Variants in ADCY3 observed in about 807,000 individuals in gnomAD.
ADCY3 encodes adenylate cyclase 3.
A neutral mutation model predicts 119.4 loss-of-function variants in ADCY3; 70 were observed. That is an observed-to-expected ratio of 0.59 (90% confidence interval 0.48 to 0.72). ADCY3 has a LOEUF of 0.72. ADCY3 is among the 30% of genes least tolerant of loss of function. The pLI, the probability that ADCY3 is intolerant of heterozygous loss-of-function variation, is 0.00. For synonymous variants in ADCY3, 672 were observed against 621.4 expected (o/e 1.08, Z -1.21); for missense variants, 1,238 against 1,541.6 (o/e 0.80, Z 3.30).
chr2:24,824,846 C>A (rs562906573), intron 16 of ADCY3, among the ~76,000 whole-genome samples: 20 of 152,248 alleles, frequency 1.3e-4, no homozygotes, highest in African/African-American at 4.8e-4. Flanking sequence ...GCCGAGATCG[C>A]ACCACTGCAC....
rs1425242386 is a variant in ADCY3 at position 24,829,501 on chromosome 2, A to G, written c.2172+1208T>C. On this transcript the variant is annotated intron_variant, in intron 13 of 21. Transcript: ENST00000679454. Reference sequence around the variant, plus strand: ...CAGTGCACAATCTCGGCTCACTGCAAGCTCCACCTCCCGGGTTCACGCCAT... The same window carrying G: ...CAGTGCACAATCTCGGCTCACTGCAGGCTCCACCTCCCGGGTTCACGCCAT... Among the ~76,000 whole-genome samples, 8 of 139,138 alleles carry G rather than the reference A, an allele frequency of 5.7e-5. No homozygotes were observed. In the East Asian group the frequency reaches 1.5e-3, roughly 26 times the overall value. 91.3% of individuals were successfully genotyped at this position (139,138 alleles called of 152,430 possible).
At chr2:24,907,139 G>A (rs1662955118) in intron 2 of ADCY3, among the ~76,000 whole-genome samples, 1 of 152,020 alleles carries the variant, frequency 6.6e-6, no homozygotes, top group Non-Finnish European at 1.5e-5. Context: ...AAATAAAAAT[G>A]AAAGGAATCA....
intron 2 of ADCY3, among the ~76,000 whole-genome samples, chr2:24,906,615 G>T (rs1207521925): frequency 6.6e-6 from 1 of 152,246 alleles, no homozygotes; most frequent in Non-Finnish European, 1.5e-5. Context: ...GCCCCACGTG[G>T]GAGGATGAAC....
Position 24,875,076 on chromosome 2 carries a change from C to T in ADCY3, c.676-2357G>A, listed in dbSNP as rs76379434. On this transcript the variant is annotated intron_variant, in intron 2 of 21. Transcript: ENST00000679454. ...TTGCACAAGCTCAGTGCTGTTCACTCGATAGAGCCTGTCCCATCTGTCCCT... is the reference window on the plus strand; with the variant it reads ...TTGCACAAGCTCAGTGCTGTTCACTTGATAGAGCCTGTCCCATCTGTCCCT... Among the ~76,000 whole-genome samples the T allele has an allele frequency of 5.7e-3, 869 of 152,256 alleles. 5 individuals carry two copies. Among genetic ancestry groups the T allele is most frequent in the Non-Finnish European group, 9.6e-3 (655 of 68,012 alleles).
rs1163217008 is a variant in ADCY3, at chr2:24,820,092, A to C, written c.3275T>G (p.Ile1092Ser). Reference protein sequence around the residue: ...NIQVVEETQVILREYGFRFVR... With the variant: ...NIQVVEETQVSLREYGFRFVR... Reference sequence around the variant, plus strand: ...AAAGCGGAAGCCGTACTCTCGGAGGATGACTTGGGTTTCTTCTACCACCTG... The same window carrying C: ...AAAGCGGAAGCCGTACTCTCGGAGGCTGACTTGGGTTTCTTCTACCACCTG... The change falls in exon 22 of 22, where the codon ATC becomes AGC. Residue 1092 changes from isoleucine to serine, a missense_variant. Coordinates refer to ENST00000679454, the MANE Select transcript of ADCY3 (RefSeq NM_004036.5). 1.4e-6 allele frequency: 2 copies of C among 1,401,748 alleles called. No homozygotes were observed. Among genetic ancestry groups the C allele is most frequent in the South Asian group, 2.4e-5 (2 of 81,820 alleles). 86.8% of individuals were successfully genotyped at this position (1,401,748 alleles called of 1,614,324 possible).
chr2:24,826,232 A>G, intron 15 of ADCY3, 106 bp from the exon 16 acceptor site: 1 of 1,009,056 alleles, frequency 9.9e-7, no homozygotes, highest in Non-Finnish European at 1.5e-6. Context: ...CCAGCCCTAG[A>G]GCTCACCCCG....
In ADCY3 at chr2:24,881,417, T is replaced by A. The variant is rs764358537; in HGVS notation, c.676-8698A>T. On this transcript the variant is annotated intron_variant, in intron 2 of 21. Transcript: ENST00000679454. ...AAGCAGTGTCATTTCAACTGAGAAG[T>A]GAATGCCAAGCAAGATCCAGCCACG... 5.9e-5 allele frequency among the ~76,000 whole-genome samples: 9 copies of A among 152,098 alleles called. No individual in the cohort carries two copies. The South Asian group carries it at 1.2e-3, about 21-fold the overall frequency.
In ADCY3 at chr2:24,904,298, A is replaced by G. The variant is rs118168704; in HGVS notation, c.675+14015T>C. 2.5e-3 allele frequency among the ~76,000 whole-genome samples: 378 copies of G among 152,254 alleles called. 6 individuals carry two copies. The East Asian group carries it at 0.043, about 17-fold the overall frequency. ...TAATCCCAACACTTTGGAAGGCCCAAATGGGCAGAGAACTTGAGATCAGGA... is the reference window on the plus strand; with the variant it reads ...TAATCCCAACACTTTGGAAGGCCCAGATGGGCAGAGAACTTGAGATCAGGA... On this transcript the variant is annotated intron_variant, in intron 2 of 21. Transcript: ENST00000679454.
At position 24,841,004 on chromosome 2, in the gene ADCY3, G is replaced by A. The variant is rs947218961; in HGVS notation, c.1196+255C>T. Among the ~76,000 whole-genome samples the A allele has an allele frequency of 6.6e-6, 1 of 152,244 alleles. No individual in the cohort carries two copies. The highest frequency in any genetic ancestry group is 2.4e-5 in the African/African-American group (1 of 41,472). ...ACTTCTGGCAAAAAGAGAATACGTGGACTAAGGCTGGAAAAGTGTGCCCCA... is the reference window on the plus strand; with the variant it reads ...ACTTCTGGCAAAAAGAGAATACGTGAACTAAGGCTGGAAAAGTGTGCCCCA... On this transcript the variant is annotated intron_variant, in intron 6 of 21. Coordinates refer to ENST00000679454, the MANE Select transcript of ADCY3 (RefSeq NM_004036.5). This position sits in a 1 kb window ranked among gnomAD's most constrained non-coding sequence, Gnocchi z 5.8.
intron 2 of ADCY3, among the ~76,000 whole-genome samples, chr2:24,883,848 C>T (rs994340949): frequency 6.6e-6 from 1 of 152,218 alleles, no homozygotes; most frequent in Non-Finnish European, 1.5e-5. Context: ...AGCCCTTATT[C>T]TCTTGTGTTT....
At chr2:24,900,183 T>TC (rs149310472) in intron 2 of ADCY3, among the ~76,000 whole-genome samples, 16,393 of 146,534 alleles carry the variant, frequency 0.11, 2,937 homozygotes, top group African/African-American at 0.38. Context: ...AAATCTCGAC[T>TC]CACTGCAACC....
intron 2 of ADCY3, among the ~76,000 whole-genome samples, chr2:24,913,512 A>T (rs1375309771): frequency 1.3e-5 from 2 of 151,980 alleles, no homozygotes; most frequent in Admixed American, 6.6e-5. Flanking sequence ...CACCTTTCTC[A>T]CTCATCAGTG....
intron 3 of ADCY3, among the ~76,000 whole-genome samples, chr2:24,863,711 A>G (rs141835419): frequency 0.021 from 3,135 of 152,312 alleles, 51 homozygotes; most frequent in Non-Finnish European, 0.034. Flanking sequence ...TTATAATTGT[A>G]TATTCTTGCC....
chr2:24,830,771 C>G lies in ADCY3; in HGVS notation c.2110G>C (p.Ala704Pro). The change falls in exon 13 of 22, where the codon GCC (alanine) becomes CCC (proline). Residue 704 changes from alanine to proline, a missense_variant. Physicochemically the swap from Ala to Pro is conservative, Grantham distance 27. Coordinates refer to ENST00000679454, the MANE Select transcript of ADCY3 (RefSeq NM_004036.5). Reference sequence around the variant, plus strand: ...GCGAGCATGGCCCAGGTGTTCCTGGCCCAGCGGGTCCGGTCAATCCAAGTT... The same window carrying G: ...GCGAGCATGGCCCAGGTGTTCCTGGGCCAGCGGGTCCGGTCAATCCAAGTT... Reference protein sequence around the residue: ...FSTWIDRTRWARNTWAMLAIF... With the variant: ...FSTWIDRTRWPRNTWAMLAIF... The G allele has an allele frequency of 6.2e-7, 1 of 1,614,074 alleles. No individual in the cohort carries two copies. Among genetic ancestry groups the G allele is most frequent in the Non-Finnish European group, 8.5e-7 (1 of 1,179,996 alleles).
chr2:24,823,451 C>A, intron 17 of ADCY3, 96 bp from the exon 18 acceptor site: 3 of 1,374,974 alleles, frequency 2.2e-6, no homozygotes, highest in East Asian at 2.5e-5. Context: ...GACATGTGCA[C>A]TCAGCTTTTT....
chr2:24,839,942 C>T lies in ADCY3; in HGVS notation c.1286G>A (p.Arg429His), dbSNP rs1670800642. ...TVLGGVLGQK[R>H]WQYDVWSTDV... ...AGTCGACCACACGTCGTACTGCCAG[C>T]GCTTCTGGCCCAGGACGCCCCCCAG... The change falls in exon 7 of 22, where the codon CGC (arginine) becomes CAC (histidine). Residue 429 changes from arginine to histidine, a missense_variant. This residue lies in a region of ADCY3 where 283 missense variants were observed against 437.2 expected (regional missense o/e 0.65). Coordinates refer to ENST00000679454, the MANE Select transcript of ADCY3 (RefSeq NM_004036.5). 6.8e-6 allele frequency: 11 copies of T among 1,613,872 alleles called. No homozygotes were observed. Among genetic ancestry groups the T allele is most frequent in the Non-Finnish European group, 9.3e-6 (11 of 1,180,032 alleles).
At chr2:24,873,954 GACTGTAT>G (rs1675339935) in intron 2 of ADCY3, among the ~76,000 whole-genome samples, 1 of 152,246 alleles carries the variant, frequency 6.6e-6, no homozygotes, top group Admixed American at 6.5e-5. Context: ...CCTCAGAGTA[GACTGTAT>G]TCTGGGGTAG....
rs750773045 is a variant in ADCY3 at position 24,872,750 on chromosome 2, C to T, written c.676-31G>A. 7 of 1,604,504 alleles carry T rather than the reference C, an allele frequency of 4.4e-6. No individual in the cohort carries two copies. The Admixed American group carries it at 1.0e-4, about 23-fold the overall frequency. On this transcript the variant is annotated intron_variant, in intron 2 of 21. Coordinates refer to ENST00000679454, the MANE Select transcript of ADCY3 (RefSeq NM_004036.5). The surrounding 1 kb of genome is among the most constrained non-coding windows in gnomAD (Gnocchi z 4.4). ...CCCCAAGGAAGAAGAGAGAAAAGGCCAGGGGTGAAGGCACGTCTTCAGAAA... is the reference window on the plus strand; with the variant it reads ...CCCCAAGGAAGAAGAGAGAAAAGGCTAGGGGTGAAGGCACGTCTTCAGAAA...
chr2:24,911,637 C>CA (rs60134317), intron 2 of ADCY3, among the ~76,000 whole-genome samples: 34 of 106,070 alleles, frequency 3.2e-4, no homozygotes, highest in Admixed American at 5.4e-4. Context: ...GAGACAGACT[C>CA]AAAAAAAAAA....
Sources: gnomAD v4.1 joint callset for allele counts (sites outside exome capture counted in the v4.1 genomes callset) on GRCh38, gnomAD v4.1.1 for gene constraint, gnomAD v4.1.1 regional missense constraint, Gnocchi (gnomAD v3.1) non-coding constraint, MANE v1.5 for transcripts, NCBI Gene and HGNC (gene_info 2026-07-23, HGNC 2026-07-21) for gene names.